The following UBXN7 variants were observed in gnomAD, a reference collection of about 807,000 sequenced individuals.
The protein encoded by UBXN7 is UBX domain protein 7.
Under a neutral mutation model 58.0 loss-of-function variants are expected in UBXN7, and 9 were observed. The observed-to-expected ratio is 0.16, with a 90% CI of 0.09 to 0.27. The LOEUF (loss-of-function observed/expected upper bound fraction) is 0.27. UBXN7 is among the 10% of genes least tolerant of loss of function. The pLI is 1.00. For missense variants in UBXN7, 328 were observed against 599.6 expected, an observed-to-expected ratio of 0.55 and a Z score of 4.73; for synonymous variants, 208 against 205.0, an observed-to-expected ratio of 1.01 and a Z score of -0.12.
At chr3:196,397,586 C>T (rs567475898) in intron 3 of UBXN7, 1 of 152,410 alleles carries the variant, frequency 6.6e-6, no homozygotes, top group Admixed American at 6.5e-5. Flanking sequence ...CTGATCTGCA[C>T]CTGCTCCGTT....
At chr3:196,415,128 T>C (rs1285210344) in intron 1 of UBXN7, among the ~76,000 whole-genome samples, 1 of 151,820 alleles carries the variant, frequency 6.6e-6, no homozygotes, top group Non-Finnish European at 1.5e-5. Context: ...TGCCTCCAGT[T>C]ACATTGTGTT....
intron 8 of UBXN7, among the ~76,000 whole-genome samples, chr3:196,364,375 A>G (rs1231620751): frequency 5.3e-5 from 8 of 152,170 alleles, no homozygotes; most frequent in Non-Finnish European, 1.5e-5. Flanking sequence ...TATTTTTAAA[A>G]ATAAAAAAGG....
At chr3:196,401,862 A>AAGAGAAGAG (rs1560235914) in intron 3 of UBXN7, among the ~76,000 whole-genome samples, 3 of 58,780 alleles carry the variant, frequency 5.1e-5, no homozygotes, top group Non-Finnish European at 1.3e-4. Flanking sequence ...GAAGAGAAGA[A>AAGAGAAGAG]AAACTACCTA....
rs550180056 is a variant in UBXN7, at chr3:196,408,300, T to C, written c.74-907A>G. On this transcript the variant is annotated intron_variant, in intron 1 of 10. Coordinates refer to ENST00000296328, the MANE Select transcript of UBXN7 (RefSeq NM_015562.2). ...GTCTGCTAAATGAAATGTAAATTGG[T>C]AAGGTCCTTTAAGACAACAATTTTA... is the stretch of plus-strand genomic sequence containing the variant. Among the ~76,000 whole-genome samples, 11 of 152,246 alleles carry C rather than the reference T, an allele frequency of 7.2e-5. 1 individual carries two copies. In the South Asian group the frequency reaches 2.3e-3, roughly 32 times the overall value.
At chr3:196,416,022 A>AC (rs1379044450) in intron 1 of UBXN7, 1 of 152,248 alleles carries the variant, frequency 6.6e-6, no homozygotes, top group African/African-American at 2.4e-5. Context: ...CTAAGTGCTC[A>AC]CACCGCATTA....
intron 4 of UBXN7, 43 bp from the exon 5 acceptor site, chr3:196,391,968 G>C: frequency 8.4e-6 from 3 of 358,636 alleles, no homozygotes; most frequent in Non-Finnish European, 4.4e-6. Context: ...CCATAATCAT[G>C]AATCACACTG....
intron 1 of UBXN7, chr3:196,431,977 G>A (rs1461911498): frequency 4.3e-6 from 2 of 469,012 alleles, no homozygotes; most frequent in East Asian, 4.2e-5. Flanking sequence ...GAAGGAGGAG[G>A]AGGAGGGCGG....
chr3:196,429,010 TAA>T (rs11401303), intron 1 of UBXN7, among the ~76,000 whole-genome samples: 10 of 126,244 alleles, frequency 7.9e-5, no homozygotes, highest in African/African-American at 1.5e-4. Context: ...CTCCATCTCT[TAA>T]AAAAAAAAAA....
At chr3:196,382,704 A>C (rs186315944) in intron 5 of UBXN7, among the ~76,000 whole-genome samples, 2 of 152,204 alleles carry the variant, frequency 1.3e-5, no homozygotes, top group Non-Finnish European at 2.9e-5. Flanking sequence ...AAATTGGATA[A>C]AGAGTTAAGA....
At chr3:196,407,451 T>C in intron 1 of UBXN7, 58 bp from the exon 2 acceptor site, 1 of 1,527,074 alleles carries the variant, frequency 6.5e-7, no homozygotes, top group Non-Finnish European at 8.8e-7. Context: ...AGACAGCCTC[T>C]TTCTTCAGCT....
intron 9 of UBXN7, 108 bp from the exon 10 acceptor site, chr3:196,362,031 A>G: frequency 1.7e-6 from 2 of 1,189,030 alleles, no homozygotes; most frequent in Admixed American, 2.2e-5. Flanking sequence ...CAATTACTCA[A>G]GTGTTTTGCT....
At chr3:196,408,097 C>CAA (rs71621241) in intron 1 of UBXN7, among the ~76,000 whole-genome samples, 617 of 44,122 alleles carry the variant, frequency 0.014, 8 homozygotes, top group Non-Finnish European at 0.016. Flanking sequence ...GACTCTGTCT[C>CAA]AAAAAAAAAA....
At chr3:196,414,788 G>A (rs902912258) in intron 1 of UBXN7, 66 of 152,098 alleles carry the variant, frequency 4.3e-4, no homozygotes, top group African/African-American at 1.3e-3. Context: ...CTCAACTAGC[G>A]CAGATCTCAC....
intron 3 of UBXN7, among the ~76,000 whole-genome samples, chr3:196,397,322 C>T (rs1729807408): frequency 6.6e-6 from 1 of 152,212 alleles, no homozygotes; most frequent in African/African-American, 2.4e-5. Context: ...AGAAGAGTGG[C>T]ACTGTTTTAC....
intron 6 of UBXN7, among the ~76,000 whole-genome samples, chr3:196,370,127 C>CAAAAA (rs368855542): frequency 1.4e-5 from 1 of 73,418 alleles, no homozygotes; most frequent in Non-Finnish European, 2.5e-5. Flanking sequence ...AGACTTGTCT[C>CAAAAA]AAAAAAAAAA....
chr3:196,387,580 A>G (rs1278820540), intron 5 of UBXN7, among the ~76,000 whole-genome samples: 2 of 152,188 alleles, frequency 1.3e-5, no homozygotes, highest in Admixed American at 6.5e-5. Flanking sequence ...AAGAACTCAA[A>G]CAAATTTACA....
Position 196,362,580 on chromosome 3 carries a change from T to C in UBXN7, c.942A>G (p.Ser314=), listed in dbSNP as rs781774149. 6.2e-7 allele frequency: 1 copy of C among 1,614,246 alleles called. No homozygotes were observed. Residue 314 remains serine, a synonymous_variant, in exon 9 of 11, where the codon TCA becomes TCG. Transcript: ENST00000296328. ...AAAGTTCAGATTCAGATTCTTCATC[T>C]GAGCGGCTATCCTGTTTTGTCTGTG... ...DSTQTKQDSR[S]DEESESELFS...
chr3:196,360,377 G>C lies in UBXN7; in HGVS notation c.1308+1467C>G, dbSNP rs138400719. ...TCAAAAAGGCTGACTTTCTTGTTAG[G>C]GGGTAATGCAGCTGGTGACTTCCAG... On this transcript the variant is annotated intron_variant, in intron 10 of 10. Transcript: ENST00000296328. Among the ~76,000 whole-genome samples the C allele has an allele frequency of 3.6e-3, 552 of 152,242 alleles. 20 individuals are homozygous for C. The South Asian group carries it at 0.074, about 21-fold the overall frequency.
At chr3:196,420,436 C>T (rs1730645130) in intron 1 of UBXN7, among the ~76,000 whole-genome samples, 1 of 151,066 alleles carries the variant, frequency 6.6e-6, no homozygotes, top group South Asian at 2.1e-4. Flanking sequence ...GAGTCTGAGG[C>T]AGAAGAATCG....
Sources: allele counts gnomAD v4.1 joint callset (sites outside exome capture counted in the v4.1 genomes callset), GRCh38; gene constraint gnomAD v4.1.1; transcripts MANE v1.5; gene names NCBI Gene and HGNC (gene_info 2026-07-23, HGNC 2026-07-21).